The following ATP13A3 variants were observed in gnomAD, a reference collection of about 807,000 sequenced individuals.
The protein encoded by ATP13A3 is polyamine-transporting ATPase 13A3.
ATP13A3 carries 59 observed loss-of-function variants against 158.1 expected under a neutral mutation model. The observed-to-expected ratio is 0.37, with a 90% CI of 0.30 to 0.46. The LOEUF (loss-of-function observed/expected upper bound fraction) is 0.46. Among genes scored for constraint, ATP13A3 ranks in the 20% least tolerant of loss-of-function variants. The pLI is 1.00. For missense variants in ATP13A3, 1,166 were observed against 1,525.2 expected, an observed-to-expected ratio of 0.76 and a Z score of 3.92; for synonymous variants, 491 against 504.3, an observed-to-expected ratio of 0.97 and a Z score of 0.35.
intron 24 of ATP13A3, 93 bp from the exon 25 acceptor site, chr3:194,430,408 A>C: frequency 1.5e-6 from 2 of 1,326,110 alleles, no homozygotes; most frequent in Non-Finnish European, 1.1e-6. Flanking sequence ...TATTATAAAG[A>C]GCTAACACAC....
chr3:194,449,631 C>G (rs569579156), intron 11 of ATP13A3, among the ~76,000 whole-genome samples: 1 of 151,676 alleles, frequency 6.6e-6, no homozygotes. Flanking sequence ...GAGCCAAGAT[C>G]GCACCACTGC....
In ATP13A3 at chr3:194,459,873, A is replaced by G; in HGVS notation, c.324T>C (p.Asn108=). 3.7e-6 allele frequency: 6 copies of G among 1,613,502 alleles called. No homozygotes were observed. The highest frequency in any genetic ancestry group is 4.2e-6 in the Non-Finnish European group (5 of 1,179,620). Residue 108 remains asparagine (N), a synonymous_variant, in exon 5 of 34, where the codon AAT becomes AAC. Transcript: ENST00000645319. ...SPKSMSNKLS[N]GHAVCLIENP... ...TCTCAATTAAACAAACTGCATGGCCATTTGAAAGCTTATTAGACATAGATT... is the reference window on the plus strand; with the variant it reads ...TCTCAATTAAACAAACTGCATGGCCGTTTGAAAGCTTATTAGACATAGATT...
At chr3:194,465,073 GCAA>G (rs1169468466) in intron 2 of ATP13A3, among the ~76,000 whole-genome samples, 1 of 152,252 alleles carries the variant, frequency 6.6e-6, no homozygotes, top group East Asian at 1.9e-4. Flanking sequence ...CTGCCCTAAA[GCAA>G]CAACAAAATA....
At chr3:194,477,636 C>G (rs745709358) in intron 2 of ATP13A3, among the ~76,000 whole-genome samples, 7 of 152,206 alleles carry the variant, frequency 4.6e-5, no homozygotes, top group Non-Finnish European at 1.0e-4. Flanking sequence ...GTGACAGCTT[C>G]TCATAGCTGT....
At chr3:194,438,292 T>G (rs1316903062) in intron 17 of ATP13A3, among the ~76,000 whole-genome samples, 1 of 152,146 alleles carries the variant, frequency 6.6e-6, no homozygotes, top group African/African-American at 2.4e-5. Flanking sequence ...TTCTTGGATA[T>G]GTAATACTTA....
At position 194,427,130 on chromosome 3, in the gene ATP13A3, C is replaced by T. The variant is rs199767870; in HGVS notation, c.3070G>A (p.Gly1024Ser). 8,574 of 1,613,402 alleles carry T rather than the reference C, an allele frequency of 5.3e-3. 33 individuals carry two copies. The highest frequency in any genetic ancestry group is 6.0e-3 in the Non-Finnish European group (7,052 of 1,179,864). Residue 1024 changes from glycine (G) to serine (S), a missense_variant, in exon 29 of 34, where the codon GGT (glycine) becomes AGT (serine). Coordinates refer to ENST00000645319, the MANE Select transcript of ATP13A3 (RefSeq NM_001367549.1). ...IIICIGFQSL[G>S]FFWVKQQPWY... ...GGTTGCTGTTTGACCCAAAAAAAAC[C>T]CAAAGATTGAAATCCAATGCAGATG...
intron 21 of ATP13A3, among the ~76,000 whole-genome samples, chr3:194,433,344 C>T (rs1487873232): frequency 6.6e-6 from 1 of 150,386 alleles, no homozygotes; most frequent in Non-Finnish European, 1.5e-5. Context: ...CCCGGGTTCA[C>T]GCCATTCTCC....
intron 8 of ATP13A3, 37 bp downstream of exon 8, chr3:194,455,856 T>A (rs778312807): frequency 1.6e-6 from 2 of 1,256,056 alleles, no homozygotes; most frequent in Non-Finnish European, 2.2e-6. Context: ...CATCCATTGA[T>A]CATGACTGTT....
At chr3:194,473,195 G>A (rs1022629303) in intron 2 of ATP13A3, among the ~76,000 whole-genome samples, 2 of 151,906 alleles carry the variant, frequency 1.3e-5, no homozygotes, top group African/African-American at 2.4e-5. Context: ...AGTGGAGATC[G>A]TGACATGGAA....
rs190993373 is a variant in ATP13A3, at chr3:194,443,221, G to A, written c.1559+1504C>T. On this transcript the variant is annotated intron_variant, in intron 15 of 33. Coordinates refer to ENST00000645319, the MANE Select transcript of ATP13A3 (RefSeq NM_001367549.1). ...GCAACAAATACATATAGGAAGGGAG[G>A]AGAATAACCAAAAGTATCTTACAGT... 1.7e-3 allele frequency among the ~76,000 whole-genome samples: 254 copies of A among 152,232 alleles called. 1 individual carries two copies. The highest frequency in any genetic ancestry group is 6.0e-3 in the African/African-American group (249 of 41,536).
intron 2 of ATP13A3, among the ~76,000 whole-genome samples, chr3:194,463,816 C>A (rs778217045): frequency 2.0e-5 from 3 of 152,170 alleles, no homozygotes; most frequent in Non-Finnish European, 4.4e-5. Context: ...TAACCCCATA[C>A]ATAAAGATTG....
chr3:194,445,021 A>T lies in ATP13A3; in HGVS notation c.1498-235T>A, dbSNP rs184025859. Among the ~76,000 whole-genome samples, 221 of 152,256 alleles carry T rather than the reference A, an allele frequency of 1.5e-3. 2 individuals carry two copies. Among genetic ancestry groups the T allele is most frequent in the Non-Finnish European group, 2.4e-3 (161 of 68,020 alleles). On this transcript the variant is annotated intron_variant, in intron 14 of 33. Coordinates refer to ENST00000645319, the MANE Select transcript of ATP13A3 (RefSeq NM_001367549.1). ...ACAATGATCACAAATCTTCTGCGTA[A>T]GGGCAGAGAGGGGTATATATTTACG...
At chr3:194,463,908 C>T (rs966455761) in intron 2 of ATP13A3, among the ~76,000 whole-genome samples, 2 of 152,190 alleles carry the variant, frequency 1.3e-5, no homozygotes, top group African/African-American at 4.8e-5. Context: ...GCCTGTAATC[C>T]CAGCGCTCTG....
At chr3:194,453,820 C>A in intron 9 of ATP13A3, 42 bp from the exon 10 acceptor site, 3 of 1,501,262 alleles carry the variant, frequency 2.0e-6, no homozygotes, top group East Asian at 2.3e-5. Context: ...CAATATGAAC[C>A]CACTCCTCAG....
At chr3:194,459,422 C>T (rs748165957) in intron 6 of ATP13A3, 49 bp downstream of exon 6, 10 of 1,265,594 alleles carry the variant, frequency 7.9e-6, no homozygotes, top group South Asian at 2.4e-5. Context: ...CTATCTAGAA[C>T]GTTTTCAGGA....
intron 2 of ATP13A3, among the ~76,000 whole-genome samples, chr3:194,476,867 T>A (rs1019467032): frequency 4.0e-5 from 6 of 151,826 alleles, no homozygotes; most frequent in African/African-American, 1.5e-4. Context: ...CACAACATGA[T>A]GTATTTCCCT....
At chr3:194,450,960 C>T (rs534092391) in intron 10 of ATP13A3, 1 of 152,196 alleles carries the variant, frequency 6.6e-6, no homozygotes, top group African/African-American at 2.4e-5. Flanking sequence ...AAAGATCTTC[C>T]GAAGGGTGAA....
At chr3:194,476,459 C>T (rs905765809) in intron 2 of ATP13A3, among the ~76,000 whole-genome samples, 1 of 152,186 alleles carries the variant, frequency 6.6e-6, no homozygotes, top group Non-Finnish European at 1.5e-5. Context: ...CCCCCTACTC[C>T]TTTAATGAGT....
chr3:194,484,372 A>C (rs115098771), intron 2 of ATP13A3, among the ~76,000 whole-genome samples: 4,566 of 152,286 alleles, frequency 0.03, 249 homozygotes, highest in African/African-American at 0.11. Context: ...CATATATTGA[A>C]TCAAACTATG....
Sources: allele counts gnomAD v4.1 joint callset (sites outside exome capture counted in the v4.1 genomes callset), GRCh38; gene constraint gnomAD v4.1.1; transcripts MANE v1.5; gene names NCBI Gene and HGNC (gene_info 2026-07-23, HGNC 2026-07-21).